The following SRPK3 variants were observed in gnomAD, a reference collection of about 807,000 sequenced individuals.
SRPK3 encodes SFRS protein kinase 3.
A neutral mutation model predicts 45.3 loss-of-function variants in SRPK3; 26 were observed. That is an observed-to-expected ratio of 0.57 (90% CI 0.42 to 0.80). The LOEUF is 0.80. Ranked by LOEUF, SRPK3 falls within the 30% of genes least tolerant of loss-of-function variation. SRPK3 has a pLI of 0.00. For synonymous variants in SRPK3, 254 were observed against 226.6 expected (o/e 1.12, Z -1.09); for missense variants, 536 against 514.5 (o/e 1.04, Z -0.40).
At position 153,781,762 on chromosome X, in the gene SRPK3, C is replaced by T; in HGVS notation, c.319C>T (p.Leu107Phe). The T allele has an allele frequency of 8.3e-7, 1 of 1,211,777 alleles. No homozygotes were observed. The highest frequency in any genetic ancestry group is 3.0e-5 in the East Asian group (1 of 33,871). ...TTGCAGGCGCAAGCGCTTTGTGGCCCTCAAAGTGGTGAAGAGTGCGGGGCA... is the reference window on the plus strand; with the variant it reads ...TTGCAGGCGCAAGCGCTTTGTGGCCTTCAAAGTGGTGAAGAGTGCGGGGCA... ...WDIQRKRFVA[L>F]KVVKSAGHYT... The change falls in exon 4 of 15, where the codon CTC becomes TTC. Residue 107 changes from leucine to phenylalanine, a missense_variant. Leu to Phe is a conservative substitution (Grantham distance 22, BLOSUM62 0). Coordinates refer to ENST00000370101, the MANE Select transcript of SRPK3 (RefSeq NM_014370.4).
chrX:153,783,781 G>A lies in SRPK3; in HGVS notation c.804G>A (p.Arg268=), dbSNP rs782639982. 29 of 1,210,869 alleles carry A rather than the reference G, an allele frequency of 2.4e-5. No individual in the cohort carries two copies. The highest frequency in any genetic ancestry group is 5.9e-5 in the East Asian group (2 of 33,837). ...LQTGKLSKNK[R]KKMRRKRKQQ... is the part of the protein sequence containing the mutation. ...CCGGTAAGCTGTCCAAAAACAAGAG[G>A]AAGAAGATGAGGCGCAAACGGAAAC... Residue 268 remains arginine, a synonymous_variant, in exon 9 of 15, where the codon AGG becomes AGA. Transcript: ENST00000370101.
chrX:153,783,180 C>G, intron 7 of SRPK3, 46 bp from the exon 8 acceptor site: 1 of 1,081,983 alleles, frequency 9.2e-7, no homozygotes, highest in Non-Finnish European at 1.3e-6. Context: ...GCCTGAGTCT[C>G]TGTTCCTCCC....
At chrX:153,782,533 G>A (rs1047248111) in intron 5 of SRPK3, among the ~76,000 whole-genome samples, 1 of 113,579 alleles carries the variant, frequency 8.8e-6, no homozygotes, top group Non-Finnish European at 1.9e-5. Context: ...CTCTGTGCCT[G>A]CTCCTCCAGC....
rs782497189 is a variant in SRPK3 at position 153,784,760 on chromosome X, T to A, written c.1259T>A (p.Phe420Tyr). Reference sequence around the variant, plus strand: ...TCCCCTTGCTTCCAGCACAAGCACTTCACGGAAGACATCCAGACTCGGCAG... The same window carrying A: ...TCCCCTTGCTTCCAGCACAAGCACTACACGGAAGACATCCAGACTCGGCAG... Reference protein sequence around the residue: ...LGNACWVHKHFTEDIQTRQYR... With the variant: ...LGNACWVHKHYTEDIQTRQYR... Residue 420 changes from phenylalanine to tyrosine, a missense_variant, in exon 12 of 15, where the codon TTC becomes TAC. By Grantham distance (22) the Phe-to-Tyr change is conservative. Coordinates refer to ENST00000370101, the MANE Select transcript of SRPK3 (RefSeq NM_014370.4). 1.7e-5 allele frequency: 21 copies of A among 1,210,809 alleles called. No homozygotes were observed. The highest frequency in any genetic ancestry group is 2.3e-5 in the Non-Finnish European group (21 of 895,358).
Position 153,781,100 on chromosome X carries a change from C to A in SRPK3, c.14C>A (p.Thr5Lys). The A allele has an allele frequency of 9.0e-7, 1 of 1,111,051 alleles. No individual in the cohort carries two copies. The highest frequency in any genetic ancestry group is 1.2e-6 in the Non-Finnish European group (1 of 848,632). The allele number at this position is 1,111,051 out of a possible 1,213,427, so 91.6% of individuals were successfully genotyped here. Residue 5 changes from threonine to lysine, a missense_variant, in exon 1 of 15, where the codon ACG (threonine) becomes AAG (lysine). Transcript: ENST00000370101. MSAS[T>K]GGGGDSGGSG... ...TGCGTGGCCGGGATGAGCGCCAGCA[C>A]GGGCGGTGGTGGGGACAGCGGCGGC... is the stretch of plus-strand genomic sequence containing the variant.
Position 153,784,052 on chromosome X carries a change from C to G in SRPK3, c.986C>G (p.Pro329Arg). The G allele has an allele frequency of 1.7e-6, 2 of 1,209,427 alleles. No individual in the cohort carries two copies. Among genetic ancestry groups the G allele is most frequent in the Non-Finnish European group, 1.1e-6 (1 of 894,748 alleles). ...CACCCCGGGGGCGCCAGAGCAGGTC[C>G]CTCCCCAGCCTCTTCCTCCCCCGCC... is the stretch of plus-strand genomic sequence containing the variant. ...GCHPGGARAGPSPASSSPAPG... is the reference protein window; with the variant it reads ...GCHPGGARAGRSPASSSPAPG... Residue 329 changes from proline to arginine, a missense_variant, in exon 10 of 15, where the codon CCC (proline) becomes CGC (arginine). Pro to Arg is a moderately radical substitution (Grantham distance 103, BLOSUM62 -2). Transcript: ENST00000370101.
chrX:153,784,717 C>G lies in SRPK3; in HGVS notation c.1249-33C>G, dbSNP rs782315396. 2.0e-5 allele frequency: 22 copies of G among 1,119,078 alleles called. No homozygotes were observed. The Middle Eastern group carries it at 7.7e-4, about 39-fold the overall frequency. The allele number at this position is 1,119,078 out of a possible 1,213,427, so 92.2% of individuals were successfully genotyped here. A position where few individuals can be genotyped will look rare whatever the true frequency, so the allele number is the denominator to read the frequency against. Reference sequence around the variant, plus strand: ...CCGTGGGGGCAGGACAGCCTTGGCCCCAGCCCGTCCCCAGGGCTCCCCTTG... The same window carrying G: ...CCGTGGGGGCAGGACAGCCTTGGCCGCAGCCCGTCCCCAGGGCTCCCCTTG... On this transcript the variant is annotated intron_variant, in intron 11 of 14. Coordinates refer to ENST00000370101, the MANE Select transcript of SRPK3 (RefSeq NM_014370.4).
intron 14 of SRPK3, 49 bp from the exon 15 acceptor site, chrX:153,785,287 C>A (rs1177102268): frequency 8.4e-7 from 1 of 1,189,505 alleles, no homozygotes; most frequent in Non-Finnish European, 1.1e-6. Context: ...AAGCAGAAGG[C>A]AGGTCCAGAG....
chrX:153,785,344 C>T lies in SRPK3; in HGVS notation c.1528C>T (p.Arg510Trp), dbSNP rs782627381. 9.1e-6 allele frequency: 11 copies of T among 1,205,308 alleles called. No homozygotes were observed. The highest frequency in any genetic ancestry group is 3.0e-5 in the East Asian group (1 of 33,666). ...REFFNRRGEL[R>W]HIHNLKHWGL... ...CGCTGGCCTGCCCGCAGGAGAGCTG[C>T]GGCACATCCACAATCTCAAGCACTG... Residue 510 changes from arginine to tryptophan, a missense_variant, in exon 15 of 15, where the codon CGG becomes TGG. By Grantham distance (101) the Arg-to-Trp change is moderately radical (BLOSUM62 -3). Transcript: ENST00000370101.
At chrX:153,785,256 G>A (rs1557068650) in intron 14 of SRPK3, 80 bp from the exon 15 acceptor site, 12 of 1,179,948 alleles carry the variant, frequency 1.0e-5, no homozygotes, top group Non-Finnish European at 1.1e-5. Flanking sequence ...AGGGAACACT[G>A]GGTCCCAGGA....
intron 7 of SRPK3, 48 bp from the exon 8 acceptor site, chrX:153,783,176 GTC>G (rs782734639): frequency 8.9e-7 from 1 of 1,129,686 alleles, no homozygotes; most frequent in Admixed American, 2.3e-5. Context: ...CCCTGCCTGA[GTC>G]TCTGTTCCTC....
In SRPK3 at chrX:153,784,194, G is replaced by A. The variant is rs2092070703; in HGVS notation, c.1128G>A (p.Gly376=). 2.5e-6 allele frequency: 3 copies of A among 1,209,615 alleles called. No homozygotes were observed. The highest frequency in any genetic ancestry group is 3.5e-5 in the African/African-American group (2 of 57,411). Residue 376 remains glycine, a synonymous_variant, in exon 10 of 15, where the codon GGG becomes GGA. Coordinates refer to ENST00000370101, the MANE Select transcript of SRPK3 (RefSeq NM_014370.4). ...GCTCGTCCAATCAGCGAGAGACCGG[G>A]GGCCTCCTGTCGCCTAGCAGTAAGT... ...LSGSSNQRET[G]GLLSPSTPFG...
chrX:153,785,565 AAGCGGGAC>A lies in SRPK3; in HGVS notation c.*49_*56del. 1 of 1,175,400 alleles carries A rather than the reference AAGCGGGAC, an allele frequency of 8.5e-7. No homozygotes were observed. Among genetic ancestry groups the A allele is most frequent in the Non-Finnish European group, 1.1e-6 (1 of 871,151 alleles). ...TCCAGCTCTCCGTGCCTTAAGGGAA[AAGCGGGAC>A]AGCTCCCACCACCCTGCTGGGCGCC... On this transcript the variant is annotated 3_prime_UTR_variant, in exon 15 of 15. Transcript: ENST00000370101.
At position 153,781,115 on chromosome X, in the gene SRPK3, A is replaced by AGAGCGGCGG. The variant is rs2092047799; in HGVS notation, c.29_30insGAGCGGCGG (p.Asp10delinsGluSerGlyGly). On this transcript the variant is annotated protein_altering_variant, in exon 1 of 15. Coordinates refer to ENST00000370101, the MANE Select transcript of SRPK3 (RefSeq NM_014370.4). ...AGCGCCAGCACGGGCGGTGGTGGGGACAGCGGCGGCAGCGGCGGCAGTAGC... is the reference window on the plus strand; with the variant it reads ...AGCGCCAGCACGGGCGGTGGTGGGGAGAGCGGCGGCAGCGGCGGCAGCGGCGGCAGTAGC... 1.7e-6 allele frequency: 2 copies of AGAGCGGCGG among 1,145,803 alleles called. No individual in the cohort carries two copies. The highest frequency in any genetic ancestry group is 2.3e-6 in the Non-Finnish European group (2 of 864,561). The allele number at this position is 1,145,803 out of a possible 1,213,427, so 94.4% of individuals were successfully genotyped here.
At chrX:153,782,068 G>C in intron 4 of SRPK3, 53 bp from the exon 5 acceptor site, 3 of 1,108,070 alleles carry the variant, frequency 2.7e-6, no homozygotes, top group Non-Finnish European at 1.2e-6. Context: ...GAAGGGAGCT[G>C]TGGGCTTCAG....
At position 153,785,514 on chromosome X, in the gene SRPK3, C is replaced by T. The variant is rs782745104; in HGVS notation, c.1698C>T (p.Asn566=). The change falls in exon 15 of 15, where the codon AAC becomes AAT. Residue 566 remains asparagine, a synonymous_variant. Transcript: ENST00000370101. ...ACTGCCTCCAGCACCCCTGGCTCAA[C>T]CCCTAGGCCCGGCTGTGGCTCCACC... is the stretch of plus-strand genomic sequence containing the variant. The part of the protein sequence containing the change: ...AADCLQHPWL[N]P 2 of 1,203,285 alleles carry T rather than the reference C, an allele frequency of 1.7e-6. No individual in the cohort carries two copies. The highest frequency in any genetic ancestry group is 3.5e-5 in the South Asian group (2 of 56,704).
rs782198618 is a variant in SRPK3, at chrX:153,781,226, T to G, written c.70T>G (p.Ser24Ala). 1 of 1,207,425 alleles carries G rather than the reference T, an allele frequency of 8.3e-7. No homozygotes were observed. Among genetic ancestry groups the G allele is most frequent in the African/African-American group, 1.7e-5 (1 of 57,821 alleles). ...SGGSSSSSQASCGPESSGSEL... is the reference protein window; with the variant it reads ...SGGSSSSSQAACGPESSGSEL... The stretch of plus-strand genomic sequence containing the variant: ...TCACCCCACCCGCAGCTCACAGGCC[T>G]CCTGCGGGCCCGAGTCCTCGGGCTC... The change falls in exon 2 of 15, where the codon TCC (serine) becomes GCC (alanine). Residue 24 changes from serine (S) to alanine (A), a missense_variant. Coordinates refer to ENST00000370101, the MANE Select transcript of SRPK3 (RefSeq NM_014370.4).
chrX:153,783,602 G>A, intron 8 of SRPK3, 150 bp from the exon 9 acceptor site: 1 of 933,449 alleles, frequency 1.1e-6, no homozygotes, highest in Non-Finnish European at 1.5e-6. Context: ...TGAGTAGCTG[G>A]TGCCAAGGGG....
Position 153,781,130 on chromosome X carries a change from G to C in SRPK3, c.44G>C (p.Gly15Ala). The change falls in exon 1 of 15, where the codon GGC becomes GCC. Residue 15 changes from glycine (G) to alanine (A), a missense_variant. Transcript: ENST00000370101. ...GGTGGTGGGGACAGCGGCGGCAGCGGCGGCAGTAGCAGCAGGTAGGGCTCG... is the reference window on the plus strand; with the variant it reads ...GGTGGTGGGGACAGCGGCGGCAGCGCCGGCAGTAGCAGCAGGTAGGGCTCG... ...TGGGGDSGGS[G>A]GSSSSSQASC... 1.7e-6 allele frequency: 2 copies of C among 1,154,171 alleles called. No homozygotes were observed. Among genetic ancestry groups the C allele is most frequent in the Non-Finnish European group, 1.2e-6 (1 of 867,867 alleles).
Sources: allele counts gnomAD v4.1 joint callset (sites outside exome capture counted in the v4.1 genomes callset), GRCh38; gene constraint gnomAD v4.1.1; transcripts MANE v1.5; gene names NCBI Gene and HGNC (gene_info 2026-07-23, HGNC 2026-07-21).